KLHDC8A: variants seen among roughly 807,000 people sequenced by gnomAD.
KLHDC8A encodes the protein kelch domain containing 8A, also known as kelch domain-containing protein 8A.
A neutral mutation model predicts 33.1 loss-of-function variants in KLHDC8A; 21 were observed. The ratio of observed to expected loss-of-function variants is 0.64; its 90% CI spans 0.45 to 0.91. KLHDC8A has a LOEUF of 0.91. Ranked by LOEUF, KLHDC8A falls within the 40% of genes least tolerant of loss-of-function variation. The probability of loss-of-function intolerance (pLI) is 0.00; values close to 1 mark genes in which losing one functional copy is unlikely to be tolerated. For synonymous variants in KLHDC8A, 173 were observed against 193.5 expected (o/e 0.89, Z 0.88); for missense variants, 435 against 483.3 (o/e 0.90, Z 0.94).
chr1:205,353,642 G>A (rs1461631190), intron 1 of KLHDC8A, among the ~76,000 whole-genome samples: 2 of 152,002 alleles, frequency 1.3e-5, no homozygotes, highest in African/African-American at 2.4e-5. Context: ...CAATCCTCCC[G>A]CCTCAGTCTC....
In KLHDC8A at chr1:205,343,589, C is replaced by G. The variant is rs1662857760; in HGVS notation, c.16G>C (p.Val6Leu). ...AGGCGCTTCCACTGGAAGTCCTTGA[C>G]GTTAGGCACCTCCATGGCAGCCTTG... MEVPN[V>L]KDFQWKRLAP... The change falls in exon 2 of 6, where the codon GTC becomes CTC. Residue 6 changes from valine (V) to leucine (L), a missense_variant. Coordinates refer to ENST00000367155, the MANE Select transcript of KLHDC8A (RefSeq NM_018203.3). The G allele has an allele frequency of 6.2e-7, 1 of 1,601,596 alleles. No individual in the cohort carries two copies. Among genetic ancestry groups the G allele is most frequent in the African/African-American group, 1.3e-5 (1 of 74,604 alleles).
At chr1:205,350,805 G>A (rs1663076912) in intron 1 of KLHDC8A, among the ~76,000 whole-genome samples, 1 of 152,120 alleles carries the variant, frequency 6.6e-6, no homozygotes, top group Non-Finnish European at 1.5e-5. Context: ...GCGTGCCTGT[G>A]TGTGCATGTG....
intron 1 of KLHDC8A, among the ~76,000 whole-genome samples, chr1:205,353,165 G>A (rs1187456968): frequency 6.6e-6 from 1 of 152,130 alleles, no homozygotes; most frequent in Non-Finnish European, 1.5e-5. Flanking sequence ...TATGCCTGAG[G>A]GCCAACCCTG....
intron 1 of KLHDC8A, among the ~76,000 whole-genome samples, chr1:205,352,879 G>A (rs1663156337): frequency 6.6e-6 from 1 of 152,214 alleles, no homozygotes; most frequent in Admixed American, 6.5e-5. Flanking sequence ...TTAGCACCCA[G>A]GAGCTGCCAG....
In KLHDC8A at chr1:205,343,547, G is replaced by A. The variant is rs1662855738; in HGVS notation, c.58C>T (p.Arg20Cys). ...QWKRLAPLPS[R>C]RVYCSLLETG... ...TCCAGCAGGGAGCAGTAGACCCGGC[G>A]GCTGGGCAGTGGCGCCAGGCGCTTC... The change falls in exon 2 of 6, where the codon CGC (arginine) becomes TGC (cysteine). Residue 20 changes from arginine to cysteine, a missense_variant. Coordinates refer to ENST00000367155, the MANE Select transcript of KLHDC8A (RefSeq NM_018203.3). The A allele has an allele frequency of 6.2e-7, 1 of 1,612,430 alleles. No individual in the cohort carries two copies. Among genetic ancestry groups the A allele is most frequent in the Non-Finnish European group, 8.5e-7 (1 of 1,179,414 alleles).
In KLHDC8A at chr1:205,339,701, G is replaced by A. The variant is rs868422428; in HGVS notation, c.484C>T (p.Pro162Ser). ...GAGGTGGCAGCATATCTCGGGGTGG[G>A]CATGGGTGCTAGGGACACCCACATG... The part of the protein sequence containing the change: ...KDMWVSLAPM[P>S]TPRYAATSFL... Residue 162 changes from proline to serine, a missense_variant, in exon 3 of 6, where the codon CCC becomes TCC. Coordinates refer to ENST00000367155, the MANE Select transcript of KLHDC8A (RefSeq NM_018203.3). This position sits in a 1 kb window ranked among gnomAD's most constrained non-coding sequence, Gnocchi z 5.1. 1 of 1,614,084 alleles carries A rather than the reference G, an allele frequency of 6.2e-7. No individual in the cohort carries two copies. The highest frequency in any genetic ancestry group is 1.3e-5 in the African/African-American group (1 of 74,932).
intron 5 of KLHDC8A, among the ~76,000 whole-genome samples, chr1:205,338,165 A>T (rs1186491193): frequency 6.6e-6 from 1 of 152,170 alleles, no homozygotes; most frequent in African/African-American, 2.4e-5. Flanking sequence ...TCAGAGGAGG[A>T]CCAAGGCTAA....
chr1:205,345,776 C>T (rs994486539), intron 1 of KLHDC8A, among the ~76,000 whole-genome samples: 6 of 151,862 alleles, frequency 4.0e-5, no homozygotes, highest in Admixed American at 3.9e-4. Flanking sequence ...CTTCCACCCC[C>T]AAAAGTATAA....
Position 205,356,563 on chromosome 1 carries a change from C to T in KLHDC8A, c.-220G>A, listed in dbSNP as rs987606015. 1.1e-5 allele frequency: 5 copies of T among 456,154 alleles called. No homozygotes were observed. The highest frequency in any genetic ancestry group is 1.8e-5 in the Non-Finnish European group (4 of 226,982). The allele number at this position is 456,154 out of a possible 1,614,324, so 28.3% of individuals were successfully genotyped here. A position where few individuals can be genotyped will look rare whatever the true frequency, so the allele number is the denominator to read the frequency against. On this transcript the variant is annotated 5_prime_UTR_variant, in exon 1 of 6. Coordinates refer to ENST00000367155, the MANE Select transcript of KLHDC8A (RefSeq NM_018203.3). ...TGGAGGGAAAAGGATCGACACCCGG[C>T]GATCATCTGCAAAAGACAAAGAAGG...
At chr1:205,351,962 C>T (rs1189762998) in intron 1 of KLHDC8A, among the ~76,000 whole-genome samples, 1 of 152,056 alleles carries the variant, frequency 6.6e-6, no homozygotes, top group Non-Finnish European at 1.5e-5. Flanking sequence ...GCCTCTCCTT[C>T]CTTGCCTCCC....
At chr1:205,353,587 G>A (rs1663181376) in intron 1 of KLHDC8A, among the ~76,000 whole-genome samples, 2 of 152,138 alleles carry the variant, frequency 1.3e-5, no homozygotes, top group South Asian at 2.1e-4. Context: ...CCAGGCTGGA[G>A]TGCAGTGGCA....
rs1663284833 is a variant in KLHDC8A, at chr1:205,356,654, T to C, written c.-311A>G. ...GCTTGTCCTAGGAGCTGGCTGGGAA[T>C]AGAGTCGGCAAGGTCCCCAGGGTCC... On this transcript the variant is annotated 5_prime_UTR_variant, in exon 1 of 6. Coordinates refer to ENST00000367155, the MANE Select transcript of KLHDC8A (RefSeq NM_018203.3). 3 of 452,648 alleles carry C rather than the reference T, an allele frequency of 6.6e-6. No homozygotes were observed. Among genetic ancestry groups the C allele is most frequent in the Non-Finnish European group, 1.3e-5 (3 of 225,280 alleles). The allele number at this position is 452,648 out of a possible 1,614,324, so 28.0% of individuals were successfully genotyped here.
rs1322147416 is a variant in KLHDC8A, at chr1:205,339,599, A to G, written c.541+45T>C. On this transcript the variant is annotated intron_variant, in intron 3 of 5. Coordinates refer to ENST00000367155, the MANE Select transcript of KLHDC8A (RefSeq NM_018203.3). The surrounding 1 kb of genome is among the most constrained non-coding windows in gnomAD (Gnocchi z 5.1). ...CACTGCTTCCTATGGGAACTGAGCC[A>G]AGGGAAGGAAGGAGGGTAGGTATAG... 6.3e-7 allele frequency: 1 copy of G among 1,599,470 alleles called. No homozygotes were observed. The highest frequency in any genetic ancestry group is 1.3e-5 in the African/African-American group (1 of 74,670).
At position 205,343,768 on chromosome 1, in the gene KLHDC8A, C is replaced by A; in HGVS notation, c.-164G>T. The A allele has an allele frequency of 1.3e-6, 1 of 767,842 alleles. No individual in the cohort carries two copies. Among genetic ancestry groups the A allele is most frequent in the Non-Finnish European group, 2.0e-6 (1 of 506,912 alleles). The allele number at this position is 767,842 out of a possible 1,614,324, so 47.6% of individuals were successfully genotyped here. Reference sequence around the variant, plus strand: ...TGCTTCACCGTGCCCCGAGTCTCAGCGGTCCGGCGGCGTCCACGCCTGGCC... The same window carrying A: ...TGCTTCACCGTGCCCCGAGTCTCAGAGGTCCGGCGGCGTCCACGCCTGGCC... On this transcript the variant is annotated 5_prime_UTR_variant, in exon 2 of 6. Transcript: ENST00000367155.
intron 5 of KLHDC8A, 76 bp from the exon 6 acceptor site, chr1:205,337,668 C>T (rs1662673931): frequency 5.7e-6 from 6 of 1,051,310 alleles, no homozygotes; most frequent in Non-Finnish European, 8.4e-6. Context: ...CCCCACCTCC[C>T]TCCCTTCGGC....
intron 2 of KLHDC8A, among the ~76,000 whole-genome samples, chr1:205,341,658 T>TTTTTC (rs1491116815): frequency 1.4e-4 from 1 of 7,090 alleles, no homozygotes; most frequent in African/African-American, 2.9e-4. Context: ...TTTCTTTTTC[T>TTTTTC]TTTTTTTTTT....
intron 1 of KLHDC8A, among the ~76,000 whole-genome samples, chr1:205,352,329 CT>C (rs1663136182): frequency 1.3e-5 from 2 of 152,082 alleles, no homozygotes; most frequent in East Asian, 3.9e-4. Context: ...TAGGGAGTGG[CT>C]TTTGCTCTCT....
At chr1:205,356,252 T>C (rs562427036) in intron 1 of KLHDC8A, among the ~76,000 whole-genome samples, 1 of 152,356 alleles carries the variant, frequency 6.6e-6, no homozygotes, top group African/African-American at 2.4e-5. Flanking sequence ...CCAGAAGTTC[T>C]GGAGGTTGGC....
In KLHDC8A at chr1:205,344,756, A is replaced by G. The variant is rs116285004; in HGVS notation, c.-189-963T>C. On this transcript the variant is annotated intron_variant, in intron 1 of 5. Transcript: ENST00000367155. ...ATATAACATATACACCCACTTGCAC[A>G]TGGAAGCATAACTTACACATCACCC... Among the ~76,000 whole-genome samples the G allele has an allele frequency of 2.6e-3, 403 of 152,254 alleles. 1 individual carries two copies. The highest frequency in any genetic ancestry group is 9.3e-3 in the African/African-American group (386 of 41,538).
Sources: gnomAD v4.1 joint callset for allele counts (sites outside exome capture counted in the v4.1 genomes callset) on GRCh38, gnomAD v4.1.1 for gene constraint, Gnocchi (gnomAD v3.1) non-coding constraint, MANE v1.5 for transcripts, NCBI Gene and HGNC (gene_info 2026-07-23, HGNC 2026-07-21) for gene names.